The following GLRA1 variants were observed in gnomAD, a reference collection of about 807,000 sequenced individuals.
GLRA1 encodes the protein glycine receptor subunit alpha-1.
Under a neutral mutation model 48.3 loss-of-function variants are expected in GLRA1, and 37 were observed. The ratio of observed to expected loss-of-function variants is 0.77; its 90% confidence interval spans 0.59 to 1.01. The LOEUF (loss-of-function observed/expected upper bound fraction) is 1.01. Among genes scored for constraint, GLRA1 ranks in the 50% least tolerant of loss-of-function variants. The pLI is 0.00. For synonymous variants in GLRA1, 196 were observed against 210.7 expected (o/e 0.93, Z 0.60); for missense variants, 427 against 571.0 (o/e 0.75, Z 2.57).
Position 151,855,100 on chromosome 5 carries a change from G to A in GLRA1, c.637C>T (p.Pro213Ser). ...AVQVADGLTL[P>S]QFILKEEKDL... ...TTCTCTTCCTTCAAGATAAACTGGG[G>A]CAGAGTTAGTCCATCTGCTACCTGC... The change falls in exon 6 of 9, where the codon CCC becomes TCC. Residue 213 changes from proline (P) to serine (S), a missense_variant. Physicochemically the swap from Pro to Ser is moderately conservative, Grantham distance 74. This residue lies in a region of GLRA1 where 271 missense variants were observed against 434.9 expected (regional missense o/e 0.62). Transcript: ENST00000274576. 1 of 1,613,916 alleles carries A rather than the reference G, an allele frequency of 6.2e-7. No individual in the cohort carries two copies. Among genetic ancestry groups the A allele is most frequent in the Non-Finnish European group, 8.5e-7 (1 of 1,179,852 alleles).
At chr5:151,891,173 A>G (rs1581648747) in intron 2 of GLRA1, among the ~76,000 whole-genome samples, 1 of 152,218 alleles carries the variant, frequency 6.6e-6, no homozygotes, top group South Asian at 2.1e-4. Context: ...GATTTTTGCA[A>G]GGATGCTGGG....
At chr5:151,846,842 A>G (rs1752684026) in intron 7 of GLRA1, among the ~76,000 whole-genome samples, 1 of 152,236 alleles carries the variant, frequency 6.6e-6, no homozygotes, top group Admixed American at 6.5e-5. Context: ...ATTATTTCAA[A>G]TTGAATTATT....
At chr5:151,842,444 C>T (rs1418561443) in intron 7 of GLRA1, among the ~76,000 whole-genome samples, 2 of 151,452 alleles carry the variant, frequency 1.3e-5, no homozygotes, top group Non-Finnish European at 2.9e-5. Flanking sequence ...CCCAGGAATG[C>T]AATGTTAGTT....
intron 2 of GLRA1, among the ~76,000 whole-genome samples, 182 bp downstream of exon 2, chr5:151,892,129 G>T (rs1754092797): frequency 6.6e-6 from 1 of 152,220 alleles, no homozygotes; most frequent in Non-Finnish European, 1.5e-5. Context: ...TGCATCCTCT[G>T]AGGCTTTGTC....
chr5:151,829,038 C>T lies in GLRA1; in HGVS notation c.942G>A (p.Trp314Ter), dbSNP rs867618642. 1.2e-6 allele frequency: 2 copies of T among 1,614,032 alleles called. No homozygotes were observed. Among genetic ancestry groups the T allele is most frequent in the South Asian group, 2.2e-5 (2 of 91,070 alleles). ...KVSYVKAIDI[W>*]MAVCLLFVFS... ...ACACAAAGAGCAGGCAAACTGCCAT[C>T]CAAATGTCAATGGCTTTCACATAGG... Residue 314 changes from tryptophan to a stop codon, truncating the protein, a stop_gained, in exon 8 of 9, where the codon TGG becomes TGA. Coordinates refer to ENST00000274576, the MANE Select transcript of GLRA1 (RefSeq NM_000171.4). LOFTEE classifies it high-confidence loss of function.
intron 4 of GLRA1, among the ~76,000 whole-genome samples, chr5:151,857,520 A>G (rs61271148): frequency 0.047 from 7,170 of 152,190 alleles, 592 homozygotes; most frequent in African/African-American, 0.16. Flanking sequence ...AGGTGTTGCA[A>G]GTGGTTCTTG....
intron 2 of GLRA1, among the ~76,000 whole-genome samples, chr5:151,889,165 A>G (rs535741818): frequency 6.6e-5 from 10 of 152,248 alleles, no homozygotes; most frequent in East Asian, 1.9e-4. Flanking sequence ...ATCCTATGGG[A>G]AGGTGCGGTT....
At chr5:151,828,539 A>G (rs1763336547) in intron 8 of GLRA1, among the ~76,000 whole-genome samples, 1 of 152,210 alleles carries the variant, frequency 6.6e-6, no homozygotes, top group Non-Finnish European at 1.5e-5. Flanking sequence ...TTGTGGTGCA[A>G]TTGTCTTCTG....
intron 7 of GLRA1, chr5:151,850,376 G>A (rs1752868052): frequency 6.0e-6 from 8 of 1,332,086 alleles, no homozygotes; most frequent in Non-Finnish European, 4.3e-6. Flanking sequence ...ACTTTGGAGT[G>A]ATAGCAACCT....
At chr5:151,879,177 T>C (rs1467374382) in intron 3 of GLRA1, among the ~76,000 whole-genome samples, 1 of 152,152 alleles carries the variant, frequency 6.6e-6, no homozygotes, top group African/African-American at 2.4e-5. Flanking sequence ...TCAAAAGAGA[T>C]CATTTTGGAT....
chr5:151,842,932 AT>A (rs1321725541), intron 7 of GLRA1, among the ~76,000 whole-genome samples: 2 of 152,238 alleles, frequency 1.3e-5, no homozygotes, highest in East Asian at 3.8e-4. Context: ...AATCAATTGT[AT>A]TTCTATAGAC....
intron 7 of GLRA1, among the ~76,000 whole-genome samples, chr5:151,834,943 G>A (rs573809074): frequency 1.1e-3 from 157 of 148,228 alleles, no homozygotes; most frequent in South Asian, 3.2e-3. Flanking sequence ...CAGGAGAATA[G>A]CGTGAACCCG....
intron 4 of GLRA1, among the ~76,000 whole-genome samples, chr5:151,859,207 T>A (rs1047914859): frequency 5.3e-5 from 8 of 152,194 alleles, no homozygotes; most frequent in Non-Finnish European, 8.8e-5. Context: ...CCTTATGCCT[T>A]AGGAGAGGAG....
chr5:151,831,325 C>A (rs1204774145), intron 7 of GLRA1, among the ~76,000 whole-genome samples: 5 of 152,212 alleles, frequency 3.3e-5, no homozygotes, highest in African/African-American at 9.6e-5. Context: ...GGAAAGGGGG[C>A]TGAAGCCAGG....
In GLRA1 at chr5:151,859,901, G is replaced by A. The variant is rs1323847442; in HGVS notation, c.360C>T (p.Ser120=). The change falls in exon 4 of 9, where the codon TCC becomes TCT. Residue 120 remains serine, a synonymous_variant. Coordinates refer to ENST00000274576, the MANE Select transcript of GLRA1 (RefSeq NM_000171.4). The stretch of plus-strand genomic sequence containing the variant: ...CAAAGAACAGGTCAGGTTTCCAGAT[G>A]GAGTCCAGCATGGATGGGTCCAGGT... ...SLDLDPSMLD[S]IWKPDLFFAN... The A allele has an allele frequency of 6.2e-7, 1 of 1,614,016 alleles. No homozygotes were observed. Among genetic ancestry groups the A allele is most frequent in the East Asian group, 2.2e-5 (1 of 44,890 alleles).
chr5:151,857,961 A>C (rs1265040104), intron 4 of GLRA1, among the ~76,000 whole-genome samples: 2 of 152,258 alleles, frequency 1.3e-5, no homozygotes, highest in African/African-American at 2.4e-5. Flanking sequence ...AAGCTGATAC[A>C]TCAGCCAGGA....
chr5:151,918,582 A>C (rs1193601427), intron 1 of GLRA1, among the ~76,000 whole-genome samples: 1 of 152,230 alleles, frequency 6.6e-6, no homozygotes, highest in East Asian at 1.9e-4. Flanking sequence ...GTGGGTATTC[A>C]TGTCATGATT....
chr5:151,878,344 G>A (rs1023918138), intron 3 of GLRA1, among the ~76,000 whole-genome samples: 5 of 152,200 alleles, frequency 3.3e-5, no homozygotes, highest in Admixed American at 3.3e-4. Context: ...GCTGTTAAAG[G>A]CACTCGGTTT....
At chr5:151,896,354 G>A (rs1402176310) in intron 1 of GLRA1, among the ~76,000 whole-genome samples, 2 of 152,198 alleles carry the variant, frequency 1.3e-5, no homozygotes, top group Admixed American at 1.3e-4. Flanking sequence ...ACATTTTCAA[G>A]TGTTGACTCA....
Sources: gnomAD v4.1 joint callset for allele counts (sites outside exome capture counted in the v4.1 genomes callset) on GRCh38, gnomAD v4.1.1 for gene constraint, gnomAD v4.1.1 regional missense constraint, MANE v1.5 for transcripts, NCBI Gene and HGNC (gene_info 2026-07-23, HGNC 2026-07-21) for gene names.